The following FTO variants were observed in gnomAD, a reference collection of about 807,000 sequenced individuals.
FTO encodes alpha-ketoglutarate-dependent dioxygenase FTO.
Under a neutral mutation model 63.9 loss-of-function variants are expected in FTO, and 47 were observed. The ratio of observed to expected loss-of-function variants is 0.74; its 90% CI spans 0.58 to 0.94. FTO has a LOEUF of 0.94. FTO is among the 40% of genes least tolerant of loss of function. The probability of loss-of-function intolerance (pLI) is 0.00; values close to 1 mark genes in which losing one functional copy is unlikely to be tolerated. For missense variants in FTO, 562 were observed against 618.1 expected (o/e 0.91, Z 0.96); for synonymous variants, 207 against 224.4 (o/e 0.92, Z 0.69).
Position 53,908,909 on chromosome 16 carries a change from A to G in FTO, c.1239+19958A>G, listed in dbSNP as rs1458765425. Reference sequence around the variant, plus strand: ...GAGTATCGTTTCTCATGTGAGTTCTATTATAGCCTTCTGTGTTTATAAACA... The same window carrying G: ...GAGTATCGTTTCTCATGTGAGTTCTGTTATAGCCTTCTGTGTTTATAAACA... On this transcript the variant is annotated intron_variant, in intron 7 of 8. Coordinates refer to ENST00000471389, the MANE Select transcript of FTO (RefSeq NM_001080432.3). 4.6e-5 allele frequency among the ~76,000 whole-genome samples: 7 copies of G among 152,290 alleles called. No homozygotes were observed. The East Asian group carries it at 1.4e-3, about 29-fold the overall frequency.
intron 8 of FTO, among the ~76,000 whole-genome samples, chr16:54,005,161 G>A (rs2084171346): frequency 6.7e-6 from 1 of 149,118 alleles, no homozygotes; most frequent in African/African-American, 2.4e-5. Flanking sequence ...TGTCTTCATA[G>A]CTAAGATAGA....
chr16:53,765,023 C>T (rs960872308), intron 1 of FTO, among the ~76,000 whole-genome samples: 4 of 152,032 alleles, frequency 2.6e-5, no homozygotes, highest in Non-Finnish European at 5.9e-5. Flanking sequence ...CCCAACCTGT[C>T]TGTTGTTAAA....
intron 8 of FTO, among the ~76,000 whole-genome samples, chr16:54,110,850 G>A (rs762153836): frequency 1.3e-5 from 2 of 152,226 alleles, no homozygotes; most frequent in Non-Finnish European, 2.9e-5. Flanking sequence ...CTCCAGGAGA[G>A]TCGAGAAATT....
intron 7 of FTO, among the ~76,000 whole-genome samples, chr16:53,930,362 T>C (rs1428628060): frequency 4.0e-5 from 6 of 150,634 alleles, no homozygotes; most frequent in Admixed American, 2.0e-4. Flanking sequence ...TAGCTGGGAC[T>C]ACGGGCACCT....
At chr16:54,055,706 A>T (rs142989459) in intron 8 of FTO, among the ~76,000 whole-genome samples, 3 of 152,358 alleles carry the variant, frequency 2.0e-5, no homozygotes, top group Admixed American at 2.0e-4. Context: ...AGAAAAATGT[A>T]TGCCCATGTC....
At chr16:54,083,707 G>A (rs867568300) in intron 8 of FTO, among the ~76,000 whole-genome samples, 54 of 152,254 alleles carry the variant, frequency 3.5e-4, no homozygotes, top group African/African-American at 1.3e-3. Context: ...TTTGAGAACA[G>A]ACCAACACCA....
intron 1 of FTO, among the ~76,000 whole-genome samples, chr16:53,799,945 T>G (rs2078175306): frequency 6.6e-6 from 1 of 152,196 alleles, no homozygotes; most frequent in African/African-American, 2.4e-5. Flanking sequence ...TTTTAAATTT[T>G]CTTTTCTCAA....
At chr16:53,965,257 G>A (rs1197120484) in intron 8 of FTO, among the ~76,000 whole-genome samples, 1 of 152,154 alleles carries the variant, frequency 6.6e-6, no homozygotes, top group Non-Finnish European at 1.5e-5. Context: ...TGTATTTTTA[G>A]TAGAGACGGG....
intron 8 of FTO, among the ~76,000 whole-genome samples, chr16:54,029,915 CTGTT>C (rs1385774226): frequency 6.6e-6 from 1 of 152,186 alleles, no homozygotes; most frequent in African/African-American, 2.4e-5. Context: ...GTGCTGGTCT[CTGTT>C]TGTCAACTGC....
intron 3 of FTO, among the ~76,000 whole-genome samples, chr16:53,827,799 C>G (rs994963529): frequency 3.9e-5 from 6 of 152,206 alleles, no homozygotes; most frequent in Non-Finnish European, 5.9e-5. Flanking sequence ...CGGAGATCCT[C>G]TGATCTTTAA....
At chr16:53,787,305 A>C (rs2077774682) in intron 1 of FTO, among the ~76,000 whole-genome samples, 1 of 151,496 alleles carries the variant, frequency 6.6e-6, no homozygotes, top group Non-Finnish European at 1.5e-5. Context: ...TGTTGTTGGA[A>C]GTGGGAAAGC....
chr16:54,065,277 C>T (rs575919249), intron 8 of FTO, among the ~76,000 whole-genome samples: 2 of 152,114 alleles, frequency 1.3e-5, no homozygotes, highest in African/African-American at 4.8e-5. Context: ...CTGCCTCCGC[C>T]TTCCCAGTAG....
intron 8 of FTO, chr16:53,991,809 A>C (rs2083817516): frequency 6.6e-6 from 1 of 152,202 alleles, no homozygotes; most frequent in Non-Finnish European, 1.5e-5. Flanking sequence ...CTCCAGATTC[A>C]ATAGGCACAT....
At chr16:53,844,989 C>T (rs367562344) in intron 4 of FTO, among the ~76,000 whole-genome samples, 11 of 151,428 alleles carry the variant, frequency 7.3e-5, no homozygotes, top group South Asian at 2.1e-4. Flanking sequence ...GCCTTTCTCT[C>T]GACTTGTCAT....
chr16:53,789,989 T>C (rs2077862169), intron 1 of FTO, among the ~76,000 whole-genome samples: 1 of 149,390 alleles, frequency 6.7e-6, no homozygotes, highest in African/African-American at 2.4e-5. Context: ...TATACAAATA[T>C]ATAATATGTT....
At chr16:53,879,299 A>C (rs1017185686) in intron 5 of FTO, among the ~76,000 whole-genome samples, 4 of 152,210 alleles carry the variant, frequency 2.6e-5, no homozygotes, top group African/African-American at 9.6e-5. Context: ...ACGTAAAAGA[A>C]AACCAGCAAA....
chr16:53,821,534 T>C (rs1243733402), intron 2 of FTO, among the ~76,000 whole-genome samples: 2 of 152,204 alleles, frequency 1.3e-5, no homozygotes, highest in African/African-American at 4.8e-5. Flanking sequence ...ATAACTAAAA[T>C]ATGGAAACTC....
intron 1 of FTO, among the ~76,000 whole-genome samples, chr16:53,733,170 C>T (rs1223558675): frequency 6.6e-6 from 1 of 152,140 alleles, no homozygotes; most frequent in Admixed American, 6.5e-5. Context: ...GAGGCCGAGG[C>T]GGGAGGATCA....
At chr16:54,019,804 T>C (rs1420705726) in intron 8 of FTO, among the ~76,000 whole-genome samples, 1 of 152,204 alleles carries the variant, frequency 6.6e-6, no homozygotes, top group Non-Finnish European at 1.5e-5. Context: ...CACTTTGAAT[T>C]ACTCAGGCTC....
Sources: allele counts gnomAD v4.1 joint callset (sites outside exome capture counted in the v4.1 genomes callset), GRCh38; gene constraint gnomAD v4.1.1; transcripts MANE v1.5; gene names NCBI Gene and HGNC (gene_info 2026-07-23, HGNC 2026-07-21).